GNAL: variants seen among roughly 807,000 people sequenced by gnomAD.
The protein encoded by GNAL is guanine nucleotide-binding protein G(olf) subunit alpha.
Under a neutral mutation model 55.1 loss-of-function variants are expected in GNAL, and 18 were observed. The observed-to-expected ratio is 0.33, with a 90% CI of 0.23 to 0.48. GNAL has a LOEUF of 0.48. Ranked by LOEUF, GNAL falls within the 20% of genes least tolerant of loss-of-function variation. The pLI is 0.99. For synonymous variants in GNAL, 253 were observed against 237.0 expected (o/e 1.07, Z -0.62); for missense variants, 412 against 614.1 (o/e 0.67, Z 3.48).
intron 1 of GNAL, among the ~76,000 whole-genome samples, chr18:11,690,806 T>G (rs2031224305): frequency 6.6e-6 from 1 of 151,898 alleles, no homozygotes; most frequent in African/African-American, 2.4e-5. Flanking sequence ...TTTTTATGGC[T>G]GCATAGTATT....
At chr18:11,734,547 T>C (rs911112968) in intron 1 of GNAL, among the ~76,000 whole-genome samples, 2 of 151,806 alleles carry the variant, frequency 1.3e-5, no homozygotes, top group Non-Finnish European at 2.9e-5. Flanking sequence ...TTAAATGATA[T>C]GTCCTTGGAG....
chr18:11,739,783 C>A (rs993997812), intron 1 of GNAL, among the ~76,000 whole-genome samples: 1 of 152,096 alleles, frequency 6.6e-6, no homozygotes, highest in African/African-American at 2.4e-5. Flanking sequence ...CCCACACCTC[C>A]CACACTGGTG....
chr18:11,851,591 A>C (rs1257524312), intron 5 of GNAL: 1 of 1,613,370 alleles, frequency 6.2e-7, no homozygotes, highest in Non-Finnish European at 8.5e-7. Context: ...AAATGCGATA[A>C]GGAGGAAAAG....
intron 4 of GNAL, among the ~76,000 whole-genome samples, chr18:11,790,818 A>G (rs1598461446): frequency 6.6e-6 from 1 of 151,342 alleles, no homozygotes; most frequent in Non-Finnish European, 1.5e-5. Flanking sequence ...CACCACGCCC[A>G]GCTAATTTTT....
At chr18:11,747,840 T>C (rs1190785809) in intron 1 of GNAL, among the ~76,000 whole-genome samples, 1 of 152,240 alleles carries the variant, frequency 6.6e-6, no homozygotes, top group Non-Finnish European at 1.5e-5. Context: ...CTTCTCTTCC[T>C]GGCTCTGGCG....
intron 4 of GNAL, among the ~76,000 whole-genome samples, chr18:11,759,720 G>A (rs940265985): frequency 1.3e-5 from 2 of 152,266 alleles, no homozygotes; most frequent in Non-Finnish European, 2.9e-5. Context: ...GCCCAGCCCA[G>A]GGAGTGCCAT....
At chr18:11,707,478 A>T (rs1598404690) in intron 1 of GNAL, among the ~76,000 whole-genome samples, 1 of 152,220 alleles carries the variant, frequency 6.6e-6, no homozygotes. Flanking sequence ...TCAGTAAACC[A>T]TGATGTAAAC....
intron 5 of GNAL, chr18:11,857,678 T>TG: frequency 2.0e-6 from 2 of 985,378 alleles, no homozygotes; most frequent in South Asian, 9.4e-5. Context: ...GCTGACGCAG[T>TG]GGGTCTGCCA....
chr18:11,877,579 G>A (rs918934020), intron 11 of GNAL, among the ~76,000 whole-genome samples: 2 of 152,148 alleles, frequency 1.3e-5, no homozygotes, highest in Non-Finnish European at 2.9e-5. Context: ...ATAGCTAGCT[G>A]TGAGTTTTTA....
chr18:11,762,905 C>T (rs2033289422), intron 4 of GNAL, among the ~76,000 whole-genome samples: 2 of 152,116 alleles, frequency 1.3e-5, no homozygotes, highest in African/African-American at 4.8e-5. Flanking sequence ...TGGCTTATGT[C>T]ATGATATTAA....
chr18:11,692,448 T>C (rs1013129655), intron 1 of GNAL, among the ~76,000 whole-genome samples: 2 of 152,198 alleles, frequency 1.3e-5, no homozygotes, highest in African/African-American at 2.4e-5. Flanking sequence ...CCTCCAGTGC[T>C]CACCTCCAGA....
intron 1 of GNAL, among the ~76,000 whole-genome samples, chr18:11,722,988 G>A (rs1402029713): frequency 7.1e-6 from 1 of 141,548 alleles, no homozygotes; most frequent in African/African-American, 2.7e-5. Context: ...TCCAGCCTGG[G>A]CAACAAGAGC....
At chr18:11,822,349 C>T (rs1418970610) in intron 4 of GNAL, among the ~76,000 whole-genome samples, 2 of 152,134 alleles carry the variant, frequency 1.3e-5, no homozygotes, top group African/African-American at 4.8e-5. Context: ...ACACACCTGT[C>T]GTCCCCGCTG....
intron 4 of GNAL, among the ~76,000 whole-genome samples, chr18:11,786,640 A>T (rs2034070637): frequency 6.9e-6 from 1 of 145,078 alleles, no homozygotes. Context: ...TTTAGTGGAG[A>T]CGGGCTTTCA....
chr18:11,836,244 C>G (rs1284840321), intron 5 of GNAL, among the ~76,000 whole-genome samples: 1 of 151,852 alleles, frequency 6.6e-6, no homozygotes, highest in East Asian at 1.9e-4. Context: ...GTTGGGAGGT[C>G]GCGACCAGCC....
chr18:11,868,755 G>A lies in GNAL; in HGVS notation c.1031+92G>A. On this transcript the variant is annotated intron_variant, in intron 9 of 11. Coordinates refer to ENST00000334049, the MANE Select transcript of GNAL (RefSeq NM_182978.4). The surrounding 1 kb of genome is among the most constrained non-coding windows in gnomAD (Gnocchi z 4.0). ...AGGCCAGGCGTTGTGGCTCACACCT[G>A]TAATCTCAACACTGGGAGGCCGAGG... 1 of 1,078,326 alleles carries A rather than the reference G, an allele frequency of 9.3e-7. No individual in the cohort carries two copies. Among genetic ancestry groups the A allele is most frequent in the East Asian group, 2.6e-5 (1 of 38,656 alleles). The allele number at this position is 1,078,326 out of a possible 1,614,324, so 66.8% of individuals were successfully genotyped here. A position where few individuals can be genotyped will look rare whatever the true frequency, so the allele number is the denominator to read the frequency against.
At chr18:11,825,643 A>T (rs1307892180) in intron 5 of GNAL, among the ~76,000 whole-genome samples, 1 of 129,718 alleles carries the variant, frequency 7.7e-6, no homozygotes, top group Non-Finnish European at 1.6e-5. Context: ...AGGCAGGAGA[A>T]TCACTTGAAC....
chr18:11,746,278 G>C (rs901256340), intron 1 of GNAL: 2 of 375,666 alleles, frequency 5.3e-6, no homozygotes, highest in Admixed American at 6.7e-5. Flanking sequence ...CAGAAACTTT[G>C]AAGAGCAAGC....
intron 1 of GNAL, among the ~76,000 whole-genome samples, chr18:11,719,597 A>G (rs2032047604): frequency 6.6e-6 from 1 of 152,222 alleles, no homozygotes; most frequent in Admixed American, 6.5e-5. Flanking sequence ...AAGTCATGCA[A>G]TCTGTTGATA....
Sources: gnomAD v4.1 joint callset for allele counts (sites outside exome capture counted in the v4.1 genomes callset) on GRCh38, gnomAD v4.1.1 for gene constraint, Gnocchi (gnomAD v3.1) non-coding constraint, MANE v1.5 for transcripts, NCBI Gene and HGNC (gene_info 2026-07-23, HGNC 2026-07-21) for gene names.